The following SYBU variants were observed in gnomAD, a reference collection of about 807,000 sequenced individuals.
SYBU encodes the protein syntabulin.
In SYBU, 21 loss-of-function variants were observed where a neutral mutation model predicts 35.9. The observed-to-expected ratio is 0.58, with a 90% confidence interval of 0.41 to 0.84. The LOEUF (loss-of-function observed/expected upper bound fraction) is 0.84, where lower values mean the gene tolerates loss of function less well. SYBU is among the 40% of genes least tolerant of loss of function. The pLI is 0.00. For synonymous variants in SYBU, 319 were observed against 324.3 expected, an observed-to-expected ratio of 0.98 and a Z score of 0.18; for missense variants, 768 against 848.2, an observed-to-expected ratio of 0.91 and a Z score of 1.17.
chr8:109,595,999 A>G (rs1013570157), intron 3 of SYBU, among the ~76,000 whole-genome samples: 1 of 152,152 alleles, frequency 6.6e-6, no homozygotes, highest in African/African-American at 2.4e-5. Context: ...TATTTTTCCT[A>G]TTCTAGGGAT....
In SYBU at chr8:109,614,924, C is replaced by T. The variant is rs115719957; in HGVS notation, c.427+3918G>A. On this transcript the variant is annotated intron_variant, in intron 3 of 6. Coordinates refer to ENST00000276646, the MANE Select transcript of SYBU (RefSeq NM_001099754.2). The stretch of plus-strand genomic sequence containing the variant: ...GGAAACAGGAAGGGCTTTCCTGCTG[C>T]GTGTGCTGCCGGGCCCTGTTGGCAA... Among the ~76,000 whole-genome samples the T allele has an allele frequency of 8.3e-3, 1,260 of 152,346 alleles. 9 individuals carry two copies. Among genetic ancestry groups the T allele is most frequent in the African/African-American group, 0.029 (1,201 of 41,572 alleles).
chr8:109,577,696 CAT>C (rs1242372997), intron 6 of SYBU, among the ~76,000 whole-genome samples, 170 bp downstream of exon 6: 3 of 152,144 alleles, frequency 2.0e-5, no homozygotes, highest in African/African-American at 7.2e-5. Context: ...CTGAAACAGC[CAT>C]ATCACACAGA....
intron 3 of SYBU, among the ~76,000 whole-genome samples, chr8:109,609,551 A>C (rs977908883): frequency 6.6e-6 from 1 of 152,238 alleles, no homozygotes; most frequent in Non-Finnish European, 1.5e-5. Flanking sequence ...GAATATACAG[A>C]AAAACCAGCT....
In SYBU at chr8:109,574,751, T is replaced by A; in HGVS notation, c.*155A>T. On this transcript the variant is annotated 3_prime_UTR_variant, in exon 7 of 7. Coordinates refer to ENST00000276646, the MANE Select transcript of SYBU (RefSeq NM_001099754.2). ...ATGCCTTTGAAGATACCTCCGGTTT[T>A]AAACAGTGAACAGGCTTCAACTAAA... is the stretch of plus-strand genomic sequence containing the variant. 1.3e-6 allele frequency: 1 copy of A among 772,576 alleles called. No homozygotes were observed. Among genetic ancestry groups the A allele is most frequent in the Admixed American group, 3.4e-5 (1 of 29,446 alleles). 47.9% of individuals were successfully genotyped at this position (772,576 alleles called of 1,614,324 possible).
chr8:109,667,495 T>C (rs1001869184), intron 1 of SYBU, among the ~76,000 whole-genome samples: 2 of 147,278 alleles, frequency 1.4e-5, no homozygotes, highest in Non-Finnish European at 3.0e-5. Flanking sequence ...TTTGGTATTT[T>C]TCAGTAGTGC....
At chr8:109,684,850 G>T (rs1035988004), upstream of SYBU, among the ~76,000 whole-genome samples, 1 of 152,062 alleles carries the variant, frequency 6.6e-6, no homozygotes, top group African/African-American at 2.4e-5. Context: ...TTTTCCCCAT[G>T]AATAAATTTT....
rs1448475108 is a variant in SYBU, at chr8:109,658,227, G to T, written c.-129+22484C>A. ...AGGTGGCTCTGGATTCTCACTTTTA[G>T]GCCTTTTGTGATTTTCTAACTGACT... On this transcript the variant is annotated intron_variant, in intron 1 of 5. Transcript: ENST00000408889. Among the ~76,000 whole-genome samples, 3 of 152,210 alleles carry T rather than the reference G, an allele frequency of 2.0e-5. No homozygotes were observed. In the East Asian group the frequency reaches 5.8e-4, roughly 29 times the overall value.
At chr8:109,689,357 GGTTTTGATCT>G (rs1482083233) in intron 1 of SYBU, among the ~76,000 whole-genome samples, 1 of 152,020 alleles carries the variant, frequency 6.6e-6, no homozygotes, top group Non-Finnish European at 1.5e-5. Context: ...TTTGAGACAA[GGTTTTGATCT>G]GTCACCCAGG....
rs1018201095 is a variant in SYBU, at chr8:109,584,033, G to A, written c.530+2027C>T. Among the ~76,000 whole-genome samples, 1 of 151,748 alleles carries A rather than the reference G, an allele frequency of 6.6e-6. No individual in the cohort carries two copies. The highest frequency in any genetic ancestry group is 2.4e-5 in the African/African-American group (1 of 41,266). ...GGGTTTCACCATATTAGCCAGGCTG[G>A]TCTTGAACTCCTGAACTCAGTTGAT... On this transcript the variant is annotated intron_variant, in intron 4 of 6. Coordinates refer to ENST00000276646, the MANE Select transcript of SYBU (RefSeq NM_001099754.2). The surrounding 1 kb of genome is among the most constrained non-coding windows in gnomAD (Gnocchi z 4.0).
intron 2 of SYBU, among the ~76,000 whole-genome samples, chr8:109,640,972 T>C (rs1271738793): frequency 6.6e-6 from 1 of 152,188 alleles, no homozygotes; most frequent in Non-Finnish European, 1.5e-5. Context: ...TGCAGTGGAA[T>C]GTTAGGTCCT....
chr8:109,628,574 C>A (rs1221744983), intron 2 of SYBU, among the ~76,000 whole-genome samples: 1 of 152,136 alleles, frequency 6.6e-6, no homozygotes, highest in Non-Finnish European at 1.5e-5. Context: ...AACTCCTGGG[C>A]TCAAGTGATC....
upstream of SYBU, chr8:109,646,373 A>G (rs1186034161): frequency 6.6e-6 from 1 of 152,222 alleles, no homozygotes; most frequent in African/African-American, 2.4e-5. Context: ...TTGTGAGTCT[A>G]GAGAGAGCCT....
At chr8:109,577,005 A>C (rs1454514235) in intron 6 of SYBU, among the ~76,000 whole-genome samples, 1 of 152,178 alleles carries the variant, frequency 6.6e-6, no homozygotes, top group Non-Finnish European at 1.5e-5. Flanking sequence ...CTCACCCCAG[A>C]GGGGAGTTTG....
At chr8:109,580,375 C>A (rs1045674403) in intron 4 of SYBU, 4 of 201,900 alleles carry the variant, frequency 2.0e-5, no homozygotes, top group Middle Eastern at 2.1e-3. Context: ...TTCTAGTCCA[C>A]CTGTTTCAGT....
chr8:109,622,725 G>A (rs1369043925), intron 2 of SYBU, among the ~76,000 whole-genome samples: 4 of 152,076 alleles, frequency 2.6e-5, no homozygotes, highest in African/African-American at 4.8e-5. Flanking sequence ...GAATTTTCCT[G>A]TACAATCTAT....
In SYBU at chr8:109,602,148, T is replaced by G. The variant is rs151290245; in HGVS notation, c.428-15986A>C. Among the ~76,000 whole-genome samples, 13 of 152,282 alleles carry G rather than the reference T, an allele frequency of 8.5e-5. No individual in the cohort carries two copies. The East Asian group carries it at 2.3e-3, about 27-fold the overall frequency. On this transcript the variant is annotated intron_variant, in intron 3 of 6. Coordinates refer to ENST00000276646, the MANE Select transcript of SYBU (RefSeq NM_001099754.2). ...GTTCAAAATCATTTGACACTCCAGATGGACAAAATGATTAAAAATAGAAAA... is the reference window on the plus strand; with the variant it reads ...GTTCAAAATCATTTGACACTCCAGAGGGACAAAATGATTAAAAATAGAAAA...
At chr8:109,648,264 T>TATATATATATAATA (rs1815912571), upstream of SYBU, among the ~76,000 whole-genome samples, 1 of 145,196 alleles carries the variant, frequency 6.9e-6, no homozygotes, top group African/African-American at 2.6e-5. Flanking sequence ...TATACAATAA[T>TATATATATATAATA]ATATATATAT....
upstream of SYBU, chr8:109,644,930 G>T: frequency 3.7e-6 from 2 of 537,836 alleles, no homozygotes; most frequent in African/African-American, 1.9e-5. Context: ...TGCGGCCTTC[G>T]GGGCAACTCG....
upstream of SYBU, chr8:109,644,995 C>A (rs1055104531): frequency 8.1e-6 from 4 of 496,478 alleles, no homozygotes; most frequent in East Asian, 4.0e-5. Flanking sequence ...TCCGCGCCCC[C>A]CCAGCCAGAG....
Sources: allele counts gnomAD v4.1 joint callset (sites outside exome capture counted in the v4.1 genomes callset), GRCh38; gene constraint gnomAD v4.1.1; non-coding constraint Gnocchi (gnomAD v3.1); transcripts MANE v1.5; gene names NCBI Gene and HGNC (gene_info 2026-07-23, HGNC 2026-07-21).